Variants in CDH13 observed in about 807,000 individuals in gnomAD.
The protein encoded by CDH13 is cadherin-13.
Under a neutral mutation model 63.8 loss-of-function variants are expected in CDH13, and 24 were observed. The observed-to-expected ratio is 0.38, with a 90% CI of 0.27 to 0.53. The LOEUF is 0.53. Ranked by LOEUF, CDH13 falls within the 20% of genes least tolerant of loss-of-function variation. CDH13 has a pLI of 0.85. For missense variants in CDH13, 1,049 were observed against 903.1 expected (o/e 1.16, Z -2.07); for synonymous variants, 503 against 355.3 (o/e 1.42, Z -4.67).
intron 1 of CDH13, among the ~76,000 whole-genome samples, chr16:82,787,694 A>G (rs2036084158): frequency 6.6e-6 from 1 of 152,236 alleles, no homozygotes; most frequent in Non-Finnish European, 1.5e-5. Context: ...GGGTTTCACA[A>G]CCAGTGGGAA....
At chr16:83,553,920 ACCAC>A (rs1331919408) in intron 7 of CDH13, among the ~76,000 whole-genome samples, 1 of 152,212 alleles carries the variant, frequency 6.6e-6, no homozygotes, top group African/African-American at 2.4e-5. Context: ...TGTTTACTTA[ACCAC>A]CAATTTATTG....
At chr16:83,549,163 G>A (rs1163327993) in intron 7 of CDH13, among the ~76,000 whole-genome samples, 1 of 152,096 alleles carries the variant, frequency 6.6e-6, no homozygotes, top group Non-Finnish European at 1.5e-5. Context: ...GTCCTTGGAG[G>A]GCCTTGTGGG....
intron 2 of CDH13, among the ~76,000 whole-genome samples, chr16:82,968,550 T>G (rs1009755352): frequency 1.3e-5 from 2 of 152,288 alleles, no homozygotes; most frequent in African/African-American, 4.8e-5. Context: ...TCATGCTTTT[T>G]GGTTTCTCTC....
intron 8 of CDH13, among the ~76,000 whole-genome samples, chr16:83,603,986 T>A (rs776700700): frequency 6.6e-6 from 1 of 152,174 alleles, no homozygotes; most frequent in Admixed American, 6.5e-5. Context: ...ATGAGAATTT[T>A]ATCATGAGAC....
chr16:83,035,618 C>G (rs975224726), intron 3 of CDH13, among the ~76,000 whole-genome samples: 1 of 152,188 alleles, frequency 6.6e-6, no homozygotes, highest in South Asian at 2.1e-4. Flanking sequence ...AGCCTGGCCC[C>G]TGAGTCCGTG....
rs148926441 is a variant in CDH13, at chr16:83,073,044, C to T, written c.366+40826C>T. On this transcript the variant is annotated intron_variant, in intron 3 of 13. Transcript: ENST00000567109. Reference sequence around the variant, plus strand: ...TAACGATGTGAAGGTGTCCTAAGTGCTTGTGTTGAGTCCAGCACTGTGCTG... The same window carrying T: ...TAACGATGTGAAGGTGTCCTAAGTGTTTGTGTTGAGTCCAGCACTGTGCTG... 4.4e-3 allele frequency among the ~76,000 whole-genome samples: 670 copies of T among 152,274 alleles called. 4 individuals carry two copies. Among genetic ancestry groups the T allele is most frequent in the African/African-American group, 0.015 (636 of 41,554 alleles).
chr16:82,669,340 C>T (rs1051639922), intron 1 of CDH13, among the ~76,000 whole-genome samples: 8 of 152,304 alleles, frequency 5.3e-5, no homozygotes, highest in Middle Eastern at 6.8e-3. Context: ...TTATATTACC[C>T]TATCAAGCTT....
intron 6 of CDH13, among the ~76,000 whole-genome samples, chr16:83,436,114 G>T (rs540531288): frequency 1.2e-4 from 18 of 152,240 alleles, no homozygotes; most frequent in Admixed American, 9.8e-4. Flanking sequence ...CACAAAGAAT[G>T]ATTTGGTTCC....
At chr16:83,372,821 G>C (rs919623195) in intron 6 of CDH13, among the ~76,000 whole-genome samples, 1 of 151,706 alleles carries the variant, frequency 6.6e-6, no homozygotes, top group Non-Finnish European at 1.5e-5. Context: ...TGCTTTCTGT[G>C]GGGAAACTTG....
intron 3 of CDH13, among the ~76,000 whole-genome samples, chr16:83,076,871 G>C (rs2032877498): frequency 6.6e-6 from 1 of 151,930 alleles, no homozygotes; most frequent in Admixed American, 6.6e-5. Context: ...TATTACTTTG[G>C]TGCAAAAGTA....
chr16:83,660,999 T>TC (rs573200024), intron 8 of CDH13, among the ~76,000 whole-genome samples: 316 of 152,128 alleles, frequency 2.1e-3, no homozygotes, highest in African/African-American at 7.4e-3. Flanking sequence ...AATATTTATT[T>TC]AATCATTCCC....
intron 3 of CDH13, among the ~76,000 whole-genome samples, chr16:83,071,136 A>G (rs2032407231): frequency 2.0e-5 from 3 of 152,086 alleles, no homozygotes; most frequent in African/African-American, 7.2e-5. Flanking sequence ...TTTAATTGCA[A>G]AGGGATCAGG....
intron 4 of CDH13, among the ~76,000 whole-genome samples, chr16:83,131,198 C>CAA (rs2036035040): frequency 7.9e-6 from 1 of 126,276 alleles, no homozygotes; most frequent in Non-Finnish European, 1.6e-5. Flanking sequence ...CCCCCCCCCC[C>CAA]CCCGCCCACA....
In CDH13 at chr16:82,923,231, A is replaced by C. The variant is rs185903949; in HGVS notation, c.157+64758A>C. Among the ~76,000 whole-genome samples the C allele has an allele frequency of 3.4e-3, 511 of 152,310 alleles. 4 individuals are homozygous for C. The highest frequency in any genetic ancestry group is 0.012 in the African/African-American group (479 of 41,568). ...AAGTATGCCTGTAATAATTTCTGTCACATGGGTGTGTCCATACTGCTCAGT... is the reference window on the plus strand; with the variant it reads ...AAGTATGCCTGTAATAATTTCTGTCCCATGGGTGTGTCCATACTGCTCAGT... On this transcript the variant is annotated intron_variant, in intron 2 of 13. Transcript: ENST00000567109.
At chr16:83,017,452 C>G (rs1224637145) in intron 2 of CDH13, among the ~76,000 whole-genome samples, 1 of 152,164 alleles carries the variant, frequency 6.6e-6, no homozygotes, top group African/African-American at 2.4e-5. Context: ...TCCCAAGGAC[C>G]TGGAACTGGA....
At chr16:83,691,869 G>A (rs184754239) in intron 10 of CDH13, among the ~76,000 whole-genome samples, 1 of 152,122 alleles carries the variant, frequency 6.6e-6, no homozygotes, top group Non-Finnish European at 1.5e-5. Flanking sequence ...CGATATAGTA[G>A]CTGGCATTTA....
At chr16:83,567,350 A>G (rs1284831096) in intron 7 of CDH13, among the ~76,000 whole-genome samples, 1 of 152,194 alleles carries the variant, frequency 6.6e-6, no homozygotes, top group Non-Finnish European at 1.5e-5. Context: ...CTAGAGATAA[A>G]TCAGAGATGA....
chr16:83,627,839 C>A (rs1280219696), intron 8 of CDH13, among the ~76,000 whole-genome samples: 2 of 152,176 alleles, frequency 1.3e-5, no homozygotes, highest in African/African-American at 4.8e-5. Flanking sequence ...ATGGCTACAC[C>A]ATAGACAGAG....
chr16:83,511,349 C>G (rs2074560265), intron 7 of CDH13, among the ~76,000 whole-genome samples: 1 of 151,960 alleles, frequency 6.6e-6, no homozygotes, highest in African/African-American at 2.4e-5. Flanking sequence ...GTAACCCCAT[C>G]TACTCGGGAG....
Sources: allele counts gnomAD v4.1 joint callset (sites outside exome capture counted in the v4.1 genomes callset), GRCh38; gene constraint gnomAD v4.1.1; transcripts MANE v1.5; gene names NCBI Gene and HGNC (gene_info 2026-07-23, HGNC 2026-07-21).